GAS7: variants seen among roughly 807,000 people sequenced by gnomAD.
GAS7 encodes the protein growth arrest-specific protein 7.
Under a neutral mutation model 71.1 loss-of-function variants are expected in GAS7, and 28 were observed. That is an observed-to-expected ratio of 0.39 (90% confidence interval 0.29 to 0.54). The LOEUF is 0.54. Among genes scored for constraint, GAS7 ranks in the 20% least tolerant of loss-of-function variants. The pLI is 0.62. For missense variants in GAS7, 436 were observed against 627.8 expected (o/e 0.69, Z 3.27); for synonymous variants, 258 against 245.8 (o/e 1.05, Z -0.46).
chr17:9,938,558 AC>A (rs1284997317), intron 8 of GAS7, among the ~76,000 whole-genome samples: 1 of 151,020 alleles, frequency 6.6e-6, no homozygotes, highest in African/African-American at 2.4e-5. Flanking sequence ...CTGCATGAAC[AC>A]ACAATCAGAA....
At chr17:10,193,154 C>A (rs116907947) in intron 1 of GAS7, among the ~76,000 whole-genome samples, 1 of 150,198 alleles carries the variant, frequency 6.7e-6, no homozygotes. Context: ...AAAAGCTGGA[C>A]TGGTATGTCA....
intron 1 of GAS7, among the ~76,000 whole-genome samples, chr17:10,129,708 A>G (rs996166821): frequency 6.6e-6 from 1 of 152,262 alleles, no homozygotes; most frequent in Non-Finnish European, 1.5e-5. Flanking sequence ...CATCATTAAG[A>G]AAGTGAAAAG....
intron 3 of GAS7, among the ~76,000 whole-genome samples, chr17:9,978,165 G>C (rs1406377303): frequency 6.6e-6 from 1 of 152,070 alleles, no homozygotes; most frequent in Non-Finnish European, 1.5e-5. Flanking sequence ...AGTGAGCCAT[G>C]ATCACACCAC....
At chr17:10,002,612 C>T (rs966986137) in intron 2 of GAS7, among the ~76,000 whole-genome samples, 2 of 152,056 alleles carry the variant, frequency 1.3e-5, no homozygotes, top group African/African-American at 2.4e-5. Context: ...TCCCTGTGTC[C>T]AAGTGTTCTC....
At chr17:10,108,976 A>G (rs1400289581) in intron 1 of GAS7, among the ~76,000 whole-genome samples, 2 of 152,200 alleles carry the variant, frequency 1.3e-5, no homozygotes, top group Admixed American at 1.3e-4. Context: ...AAATGGGCCC[A>G]TATTAAACTA....
At chr17:9,964,208 G>T (rs1167775154) in intron 4 of GAS7, among the ~76,000 whole-genome samples, 1 of 150,480 alleles carries the variant, frequency 6.6e-6, no homozygotes, top group African/African-American at 2.5e-5. Context: ...CTGAGGCCTG[G>T]CAGGGGGTGA....
chr17:10,111,854 G>A (rs373128279), intron 1 of GAS7, among the ~76,000 whole-genome samples: 1 of 152,166 alleles, frequency 6.6e-6, no homozygotes, highest in East Asian at 1.9e-4. Context: ...CTGCTGCCGT[G>A]TTTCGACTTG....
chr17:10,028,278 G>T (rs557818157), intron 1 of GAS7, among the ~76,000 whole-genome samples: 7 of 152,198 alleles, frequency 4.6e-5, no homozygotes, highest in East Asian at 3.9e-4. Context: ...AGAGGCTGAG[G>T]GGGGAGGACT....
rs975219286 is a variant in GAS7, at chr17:10,078,886, C to CA, written c.184-58990dup. Among the ~76,000 whole-genome samples the CA allele has an allele frequency of 9.9e-5, 15 of 151,908 alleles. No individual in the cohort carries two copies. In the East Asian group the frequency reaches 1.7e-3, roughly 18 times the overall value. ...CCACATAGCAAAACCTCTATCTCTA[C>CA]AAAAAAAAATTTTTTTAATTAGCCA... On this transcript the variant is annotated intron_variant, in intron 1 of 13. Transcript: ENST00000432992.
At chr17:10,193,542 G>A (rs1480108311) in intron 1 of GAS7, among the ~76,000 whole-genome samples, 2 of 152,172 alleles carry the variant, frequency 1.3e-5, no homozygotes, top group African/African-American at 4.8e-5. Context: ...CCAATAGAAT[G>A]TGGCAGAAAC....
chr17:10,119,561 A>G (rs968892729), intron 1 of GAS7, among the ~76,000 whole-genome samples: 4 of 152,224 alleles, frequency 2.6e-5, no homozygotes, highest in Non-Finnish European at 5.9e-5. Flanking sequence ...TTAAGGTCCA[A>G]GGCCCACTTC....
In GAS7 at chr17:10,198,415, G is replaced by A. The variant is rs1020537836; in HGVS notation, c.-25C>T. 21 of 1,522,442 alleles carry A rather than the reference G, an allele frequency of 1.4e-5. No homozygotes were observed. Among genetic ancestry groups the A allele is most frequent in the Admixed American group, 2.0e-5 (1 of 50,808 alleles). 94.3% of individuals were successfully genotyped at this position (1,522,442 alleles called of 1,614,324 possible). A position where few individuals can be genotyped will look rare whatever the true frequency, so the allele number is the denominator to read the frequency against. ...TGGCCTTGGCGCCCGGGTTCACAGC[G>A]CAGCCTGCATTCCCGCCGAGCCCCA... On this transcript the variant is annotated 5_prime_UTR_variant, in exon 1 of 14. Coordinates refer to ENST00000432992, the MANE Select transcript of GAS7 (RefSeq NM_201433.2).
intron 2 of GAS7, among the ~76,000 whole-genome samples, chr17:10,000,671 G>C (rs185336111): frequency 5.3e-5 from 8 of 152,296 alleles, no homozygotes; most frequent in African/African-American, 1.9e-4. Context: ...AGAAAGTTCT[G>C]CGTTTGCACA....
intron 1 of GAS7, among the ~76,000 whole-genome samples, chr17:10,090,250 C>A (rs1206401647): frequency 6.6e-6 from 1 of 151,388 alleles, no homozygotes; most frequent in Non-Finnish European, 1.5e-5. Flanking sequence ...TCCTTCAGTA[C>A]AATTTGATTT....
intron 1 of GAS7, among the ~76,000 whole-genome samples, chr17:10,090,752 T>A (rs926548590): frequency 2.6e-5 from 4 of 152,164 alleles, no homozygotes; most frequent in Non-Finnish European, 4.4e-5. Context: ...CCTCAGTTTT[T>A]GGATGAGGAC....
In GAS7 at chr17:9,917,049, T is replaced by G. The variant is rs1431717430; in HGVS notation, c.*179A>C. On this transcript the variant is annotated 3_prime_UTR_variant, in exon 14 of 14. Transcript: ENST00000432992. ...GGGCTGTGGGTCTGTCTTCTGGGCCTGGGAATATGGGGGAGCCCCCAGCTA... is the reference window on the plus strand; with the variant it reads ...GGGCTGTGGGTCTGTCTTCTGGGCCGGGGAATATGGGGGAGCCCCCAGCTA... 6.6e-6 allele frequency: 4 copies of G among 602,702 alleles called. No homozygotes were observed. The highest frequency in any genetic ancestry group is 1.2e-5 in the Non-Finnish European group (4 of 337,044). 37.3% of individuals were successfully genotyped at this position (602,702 alleles called of 1,614,324 possible). A position where few individuals can be genotyped will look rare whatever the true frequency, so the allele number is the denominator to read the frequency against.
chr17:10,183,213 A>G (rs2074428965), intron 1 of GAS7, among the ~76,000 whole-genome samples: 1 of 152,074 alleles, frequency 6.6e-6, no homozygotes. Context: ...CTGGAGATGC[A>G]GAATCTCAGG....
In GAS7 at chr17:9,914,663, G is replaced by A. The variant is rs1309420604; in HGVS notation, c.*2565C>T. On this transcript the variant is annotated 3_prime_UTR_variant, in exon 14 of 14. Transcript: ENST00000432992. Reference sequence around the variant, plus strand: ...TCCATCCAACAGGTAAATGCCTCACGACGGTGGTTTATATTATAATAAAGA... The same window carrying A: ...TCCATCCAACAGGTAAATGCCTCACAACGGTGGTTTATATTATAATAAAGA... The A allele has an allele frequency of 1.8e-5, 4 of 217,034 alleles. No individual in the cohort carries two copies. The highest frequency in any genetic ancestry group is 9.3e-6 in the Non-Finnish European group (1 of 107,938). 13.4% of individuals were successfully genotyped at this position (217,034 alleles called of 1,614,324 possible).
chr17:10,099,046 C>A (rs944331958), intron 1 of GAS7, among the ~76,000 whole-genome samples: 1 of 152,120 alleles, frequency 6.6e-6, no homozygotes, highest in Non-Finnish European at 1.5e-5. Flanking sequence ...AGATGGGTAC[C>A]GAATGTCAGC....
Sources: gnomAD v4.1 joint callset for allele counts (sites outside exome capture counted in the v4.1 genomes callset) on GRCh38, gnomAD v4.1.1 for gene constraint, MANE v1.5 for transcripts, NCBI Gene and HGNC (gene_info 2026-07-23, HGNC 2026-07-21) for gene names.